BRD9: variants seen among roughly 807,000 people sequenced by gnomAD.
BRD9 encodes bromodomain-containing protein 9.
In BRD9, 47 loss-of-function variants were observed where a neutral mutation model predicts 68.7. The ratio of observed to expected loss-of-function variants is 0.68; its 90% CI spans 0.54 to 0.87. BRD9 has a LOEUF of 0.87. Among genes scored for constraint, BRD9 ranks in the 40% least tolerant of loss-of-function variants. The pLI, the probability that BRD9 is intolerant of heterozygous loss-of-function variation, is 0.00. For synonymous variants in BRD9, 313 were observed against 293.9 expected, an observed-to-expected ratio of 1.06 and a Z score of -0.67; for missense variants, 670 against 748.4, an observed-to-expected ratio of 0.90 and a Z score of 1.22.
chr5:884,085 C>T lies in BRD9; in HGVS notation c.834-15G>A, dbSNP rs1752204334. On this transcript the variant is annotated splice_polypyrimidine_tract_variant and intron_variant, in intron 7 of 15. Coordinates refer to ENST00000467963, the MANE Select transcript of BRD9 (RefSeq NM_023924.5). ...CAAACATGCAGCTGTGAGGTGGGGACAACCAAGTCACCTGGAGGCAGCGTC... is the reference window on the plus strand; with the variant it reads ...CAAACATGCAGCTGTGAGGTGGGGATAACCAAGTCACCTGGAGGCAGCGTC... 6.2e-7 allele frequency: 1 copy of T among 1,610,414 alleles called. No individual in the cohort carries two copies. The highest frequency in any genetic ancestry group is 8.5e-7 in the Non-Finnish European group (1 of 1,178,434).
At position 866,018 on chromosome 5, in the gene BRD9, C is replaced by T. The variant is rs145368544; in HGVS notation, c.1526-437G>A. ...GGAGCAGGTTCCAGGCCACAGCCAT[C>T]GGGGACCCAGCACGTCCAGCTGAGA... is the stretch of plus-strand genomic sequence containing the variant. On this transcript the variant is annotated intron_variant, in intron 14 of 15. Coordinates refer to ENST00000467963, the MANE Select transcript of BRD9 (RefSeq NM_023924.5). 1.9e-3 allele frequency: 296 copies of T among 157,182 alleles called. 1 individual carries two copies. Among genetic ancestry groups the T allele is most frequent in the Middle Eastern group, 3.1e-3 (1 of 320 alleles). The allele number at this position is 157,182 out of a possible 1,614,324, so 9.7% of individuals were successfully genotyped here.
At chr5:877,386 A>T (rs1219285598) in intron 11 of BRD9, among the ~76,000 whole-genome samples, 1 of 152,152 alleles carries the variant, frequency 6.6e-6, no homozygotes, top group South Asian at 2.1e-4. Context: ...CGTTTACTTC[A>T]TTTTTTGCTA....
intron 6 of BRD9, chr5:887,013 A>AGCCACTGAGGATG (rs199806587): frequency 0.038 from 19,512 of 517,364 alleles, 480 homozygotes; most frequent in Non-Finnish European, 0.046. Flanking sequence ...AGATCTGGGA[A>AGCCACTGAGGATG]GCCACTCAGG....
At chr5:881,480 TG>T in intron 8 of BRD9, 1 of 461,042 alleles carries the variant, frequency 2.2e-6, no homozygotes, top group South Asian at 2.3e-5. Context: ...CTTGACAAAA[TG>T]GAACGGTCAG....
rs1233558979 is a variant in BRD9 at position 878,399 on chromosome 5, G to C, written c.1227C>G (p.Leu409=). ...GDLKSDEMEL[L]YSAYGDETGV... ...CTGTCTCATCTCCGTAGGCTGAGTAGAGCAGCTCCATCTCGTCCGACTTCA... is the reference window on the plus strand; with the variant it reads ...CTGTCTCATCTCCGTAGGCTGAGTACAGCAGCTCCATCTCGTCCGACTTCA... Residue 409 remains leucine (L), a synonymous_variant, in exon 11 of 16, where the codon CTC becomes CTG. Coordinates refer to ENST00000467963, the MANE Select transcript of BRD9 (RefSeq NM_023924.5). 7.4e-6 allele frequency: 12 copies of C among 1,614,198 alleles called. No individual in the cohort carries two copies. The highest frequency in any genetic ancestry group is 2.2e-5 in the East Asian group (1 of 44,888).
At chr5:889,230 A>G (rs1038944397) in intron 4 of BRD9, 65 bp from the exon 5 acceptor site, 29 of 1,521,802 alleles carry the variant, frequency 1.9e-5, no homozygotes, top group Non-Finnish European at 2.6e-5. Flanking sequence ...ATCTCTTACA[A>G]TCCAAAAATT....
chr5:864,216 A>T lies in BRD9; in HGVS notation c.*252T>A. 2 of 320,844 alleles carry T rather than the reference A, an allele frequency of 6.2e-6. No individual in the cohort carries two copies. The highest frequency in any genetic ancestry group is 6.0e-6 in the Non-Finnish European group (1 of 167,990). 19.9% of individuals were successfully genotyped at this position (320,844 alleles called of 1,614,324 possible). On this transcript the variant is annotated 3_prime_UTR_variant, in exon 16 of 16. Transcript: ENST00000467963. ...TGTATGACTCCACTCCTCAGGGTTC[A>T]CGGGGCTGTGTACAGAGACTCTCTC...
chr5:883,123 C>A lies in BRD9; in HGVS notation c.966+815G>T, dbSNP rs1408639748. On this transcript the variant is annotated intron_variant, in intron 8 of 15. Coordinates refer to ENST00000467963, the MANE Select transcript of BRD9 (RefSeq NM_023924.5). ...CCACGCAGACCGCAACCTCGCAACA[C>A]GCAAGCCACACAGAGCACTGCAACT... 1.4e-5 allele frequency: 5 copies of A among 362,232 alleles called. No individual in the cohort carries two copies. In the East Asian group the frequency reaches 2.9e-4, roughly 21 times the overall value. The allele number at this position is 362,232 out of a possible 1,614,324, so 22.4% of individuals were successfully genotyped here. A position where few individuals can be genotyped will look rare whatever the true frequency, so the allele number is the denominator to read the frequency against.
At chr5:875,043 A>G (rs1486568066) in intron 12 of BRD9, among the ~76,000 whole-genome samples, 2 of 152,222 alleles carry the variant, frequency 1.3e-5, no homozygotes, top group African/African-American at 4.8e-5. Flanking sequence ...ACACAAAGAA[A>G]AGCCCACCAA....
chr5:871,290 C>A (rs183261274), intron 13 of BRD9, among the ~76,000 whole-genome samples: 2 of 152,344 alleles, frequency 1.3e-5, no homozygotes, highest in Admixed American at 1.3e-4. Context: ...CAGCACCCAG[C>A]GGGGCCAACT....
intron 7 of BRD9, 59 bp downstream of exon 7, chr5:886,533 G>A: frequency 1.0e-5 from 15 of 1,493,052 alleles, no homozygotes; most frequent in Non-Finnish European, 1.4e-5. Context: ...CAAGGCACCT[G>A]CTTTCCTGGC....
Position 892,752 on chromosome 5 carries a change from C to G in BRD9, c.-95G>C, listed in dbSNP as rs1399513591. 2.5e-6 allele frequency: 3 copies of G among 1,177,938 alleles called. No homozygotes were observed. Among genetic ancestry groups the G allele is most frequent in the Non-Finnish European group, 3.2e-6 (3 of 938,442 alleles). The allele number at this position is 1,177,938 out of a possible 1,614,324, so 73.0% of individuals were successfully genotyped here. On this transcript the variant is annotated 5_prime_UTR_variant, in exon 1 of 16. Transcript: ENST00000467963. ...CCGCCCCCTGGCCCTGGCTGGCCGC[C>G]CGCGCTCGCTGCGCCGAGGTTGCCG...
chr5:865,757 C>A (rs922890421), intron 14 of BRD9, 176 bp from the exon 15 acceptor site: 26 of 648,894 alleles, frequency 4.0e-5, no homozygotes, highest in Admixed American at 9.6e-5. Context: ...ACAGACATTA[C>A]CCTTAGCAGT....
rs548866561 is a variant in BRD9, at chr5:882,750, C to T, written c.966+1188G>A. The stretch of plus-strand genomic sequence containing the variant: ...CAGCAACTTCCCAACACGCAAGCCA[C>T]GCAAACTGCAACCTCCCAACACACG... On this transcript the variant is annotated intron_variant, in intron 8 of 15. Transcript: ENST00000467963. Among the ~76,000 whole-genome samples, 372 of 151,216 alleles carry T rather than the reference C, an allele frequency of 2.5e-3. 2 individuals carry two copies. The highest frequency in any genetic ancestry group is 8.5e-3 in the African/African-American group (350 of 41,158).
chr5:887,529 C>T lies in BRD9; in HGVS notation c.607-58G>A, dbSNP rs898942006. On this transcript the variant is annotated intron_variant, in intron 5 of 15. Coordinates refer to ENST00000467963, the MANE Select transcript of BRD9 (RefSeq NM_023924.5). ...TGAAATGCCACAGACAACAGCAAAG[C>T]TCTAGATGACTACCAAGAGACCAAA... The T allele has an allele frequency of 3.2e-4, 414 of 1,288,606 alleles. 1 individual carries two copies. Among genetic ancestry groups the T allele is most frequent in the South Asian group, 1.3e-3 (110 of 83,200 alleles). 79.8% of individuals were successfully genotyped at this position (1,288,606 alleles called of 1,614,324 possible).
In BRD9 at chr5:891,725, T is replaced by C. The variant is rs1042732719; in HGVS notation, c.182A>G (p.Glu61Gly). 6.4e-7 allele frequency: 1 copy of C among 1,551,560 alleles called. No individual in the cohort carries two copies. Among genetic ancestry groups the C allele is most frequent in the African/African-American group, 1.4e-5 (1 of 73,036 alleles). ...YYDDRSDHERERHKEKKKKKK... is the reference protein window; with the variant it reads ...YYDDRSDHERGRHKEKKKKKK... The stretch of plus-strand genomic sequence containing the variant: ...CTTCTTTTTCTTTTCTTTGTGCCTC[T>C]CTCGCTCATGGTCTGACCTGTCATC... The change falls in exon 2 of 16, where the codon GAG becomes GGG. Residue 61 changes from glutamate (E) to glycine (G), a missense_variant. By Grantham distance (98) the Glu-to-Gly change is moderately conservative. Coordinates refer to ENST00000467963, the MANE Select transcript of BRD9 (RefSeq NM_023924.5).
intron 8 of BRD9, chr5:883,080 G>C (rs534711320): frequency 3.0e-6 from 1 of 332,790 alleles, no homozygotes; most frequent in South Asian, 2.3e-5. Context: ...CGCAGACCAC[G>C]ACCTCCCAAC....
chr5:876,496 G>C (rs1325734254), intron 11 of BRD9, among the ~76,000 whole-genome samples: 3 of 152,180 alleles, frequency 2.0e-5, no homozygotes, highest in South Asian at 2.1e-4. Flanking sequence ...ATCTGTAAAA[G>C]AATACTCCTA....
At chr5:876,288 A>G (rs1414047604) in intron 11 of BRD9, 76 bp from the exon 12 acceptor site, 1 of 1,142,468 alleles carries the variant, frequency 8.8e-7, no homozygotes, top group Non-Finnish European at 1.3e-6. Context: ...TGATCACAGA[A>G]GCCTGCCGTG....
Sources: allele counts gnomAD v4.1 joint callset (sites outside exome capture counted in the v4.1 genomes callset), GRCh38; gene constraint gnomAD v4.1.1; transcripts MANE v1.5; gene names NCBI Gene and HGNC (gene_info 2026-07-23, HGNC 2026-07-21).